SSPN: variants seen among roughly 807,000 people sequenced by gnomAD.
SSPN encodes K-ras oncogene-associated protein.
Under a neutral mutation model 19.1 loss-of-function variants are expected in SSPN, and 15 were observed. The ratio of observed to expected loss-of-function variants is 0.78; its 90% CI spans 0.52 to 1.21. SSPN has a LOEUF of 1.21. Among genes scored for constraint, SSPN ranks in the 50% most tolerant of loss-of-function variants. The pLI is 0.00. For missense variants in SSPN, 291 were observed against 314.0 expected (o/e 0.93, Z 0.55); for synonymous variants, 147 against 140.3 (o/e 1.05, Z -0.34).
intron 1 of SSPN, among the ~76,000 whole-genome samples, chr12:26,221,879 GTCTT>G: frequency 6.6e-6 from 1 of 152,280 alleles, no homozygotes; most frequent in Middle Eastern, 3.4e-3. Flanking sequence ...CAAAAAGTAG[GTCTT>G]TCTTTGATTG....
chr12:26,181,273 G>A lies in SSPN; in HGVS notation c.-30-43020G>A, dbSNP rs997675159. The A allele has an allele frequency of 4.6e-5, 7 of 152,026 alleles. No homozygotes were observed. The East Asian group carries it at 9.6e-4, about 21-fold the overall frequency. 9.4% of individuals were successfully genotyped at this position (152,026 alleles called of 1,614,324 possible). A position where few individuals can be genotyped will look rare whatever the true frequency, so the allele number is the denominator to read the frequency against. ...TGAATAAAGTTACTCAATACAGTTG[G>A]AAAAACTGTCATTTGATCCACTTCT... On this transcript the variant is annotated intron_variant, in intron 1 of 2. Coordinates refer to the SSPN transcript ENST00000538142.
intron 1 of SSPN, chr12:26,122,451 G>A: frequency 7.4e-7 from 1 of 1,358,528 alleles, no homozygotes. Flanking sequence ...TGCAGAAGGC[G>A]AGAGGAAGCA....
At chr12:26,130,503 G>A (rs1944391498) in intron 1 of SSPN, among the ~76,000 whole-genome samples, 1 of 151,912 alleles carries the variant, frequency 6.6e-6, no homozygotes, top group Non-Finnish European at 1.5e-5. Flanking sequence ...CAAAACTATT[G>A]GTATAAAACT....
At chr12:26,122,518 C>T in intron 1 of SSPN, 2 of 1,289,166 alleles carry the variant, frequency 1.6e-6, no homozygotes, top group Middle Eastern at 3.0e-4. Context: ...GGCGCGCCTC[C>T]GCCTCCGCCG....
intron 1 of SSPN, chr12:26,123,277 A>G: frequency 7.3e-7 from 1 of 1,374,874 alleles, no homozygotes; most frequent in Admixed American, 2.8e-5. Flanking sequence ...GACTAAAGTG[A>G]TCTCGGTTTT....
intron 2 of SSPN, among the ~76,000 whole-genome samples, chr12:26,229,077 T>G (rs1272388219): frequency 6.6e-6 from 1 of 152,336 alleles, no homozygotes; most frequent in East Asian, 1.9e-4. Flanking sequence ...GTTATGTCCC[T>G]GAGATATAAG....
At chr12:26,182,623 C>T (rs1366255964) in intron 1 of SSPN, among the ~76,000 whole-genome samples, 1 of 140,966 alleles carries the variant, frequency 7.1e-6, no homozygotes, top group Non-Finnish European at 1.5e-5. Flanking sequence ...CCTTCCCTTC[C>T]CTTCCCTTCC....
chr12:26,194,278 C>T, upstream of SSPN, among the ~76,000 whole-genome samples: 1 of 152,198 alleles, frequency 6.6e-6, no homozygotes, highest in African/African-American at 2.4e-5. Flanking sequence ...TTTTGAACAT[C>T]TTTATATCCT....
chr12:26,146,507 A>G (rs1278180718), intron 1 of SSPN, among the ~76,000 whole-genome samples: 1 of 152,180 alleles, frequency 6.6e-6, no homozygotes, highest in Non-Finnish European at 1.5e-5. Context: ...TAGCATTAGT[A>G]GGAACAATAC....
At position 26,232,095 on chromosome 12, in the gene SSPN, G is replaced by A. The variant is rs1296550907; in HGVS notation, c.*1019G>A. On this transcript the variant is annotated 3_prime_UTR_variant, in exon 3 of 3. Transcript: ENST00000242729. ...GTAATAGGAAGTGTTTATACAAACA[G>A]CACATTTGTGATATGTTGAAAAGCA... 1 of 985,362 alleles carries A rather than the reference G, an allele frequency of 1.0e-6. No homozygotes were observed. Among genetic ancestry groups the A allele is most frequent in the Non-Finnish European group, 1.2e-6 (1 of 829,860 alleles). 61.0% of individuals were successfully genotyped at this position (985,362 alleles called of 1,614,324 possible). A position where few individuals can be genotyped will look rare whatever the true frequency, so the allele number is the denominator to read the frequency against.
intron 2 of SSPN, 79 bp from the exon 3 acceptor site, chr12:26,230,632 C>A: frequency 1.3e-6 from 2 of 1,487,436 alleles, no homozygotes; most frequent in Non-Finnish European, 1.8e-6. Context: ...AGAAAAAGAA[C>A]AGTTTTGATG....
intron 1 of SSPN, among the ~76,000 whole-genome samples, chr12:26,165,113 A>G (rs1485380535): frequency 6.6e-6 from 1 of 152,232 alleles, no homozygotes; most frequent in Non-Finnish European, 1.5e-5. Flanking sequence ...TAGTATTTTT[A>G]ATCGAAAAAT....
chr12:26,143,155 A>G (rs1398017022), intron 1 of SSPN, among the ~76,000 whole-genome samples: 1 of 152,236 alleles, frequency 6.6e-6, no homozygotes, highest in Non-Finnish European at 1.5e-5. Flanking sequence ...TATTTTGGAA[A>G]GTAGCCTTTA....
Position 26,227,418 on chromosome 12 carries a change from C to T in SSPN, c.366+3039C>T, listed in dbSNP as rs78223337. 3.8e-3 allele frequency among the ~76,000 whole-genome samples: 579 copies of T among 152,270 alleles called. 6 individuals carry two copies. The highest frequency in any genetic ancestry group is 0.013 in the African/African-American group (547 of 41,544). ...CGCACGATATAAATTTATTCATACTCAGAGAAGCTAAGGGGCATGGTTTTT... is the reference window on the plus strand; with the variant it reads ...CGCACGATATAAATTTATTCATACTTAGAGAAGCTAAGGGGCATGGTTTTT... On this transcript the variant is annotated intron_variant, in intron 2 of 2. Transcript: ENST00000242729.
chr12:26,231,963 C>G lies in SSPN; in HGVS notation c.*887C>G. On this transcript the variant is annotated 3_prime_UTR_variant, in exon 3 of 3. Coordinates refer to ENST00000242729, the MANE Select transcript of SSPN (RefSeq NM_005086.5). The stretch of plus-strand genomic sequence containing the variant: ...TTAAGAGAAATTACTCTCACAAGAG[C>G]AGAGGCCTGAAGATTCTTTCTTCTG... 1.0e-6 allele frequency: 1 copy of G among 985,194 alleles called. No homozygotes were observed. The highest frequency in any genetic ancestry group is 1.7e-5 in the African/African-American group (1 of 57,250). 61.0% of individuals were successfully genotyped at this position (985,194 alleles called of 1,614,324 possible).
At chr12:26,222,640 GA>G (rs1945133973) in intron 1 of SSPN, among the ~76,000 whole-genome samples, 1 of 152,188 alleles carries the variant, frequency 6.6e-6, no homozygotes. Flanking sequence ...TTTCTATTTT[GA>G]AAGTGTGGAA....
intron 1 of SSPN, chr12:26,122,703 C>T (rs1408173870): frequency 1.9e-6 from 3 of 1,579,514 alleles, no homozygotes; most frequent in Non-Finnish European, 2.6e-6. Flanking sequence ...CGAGTCCTCC[C>T]CGGGAGGCTC....
chr12:26,136,073 C>G (rs1944423445), intron 1 of SSPN, among the ~76,000 whole-genome samples: 1 of 152,174 alleles, frequency 6.6e-6, no homozygotes, highest in East Asian at 1.9e-4. Flanking sequence ...CTGTACTGAA[C>G]ATGTACAGAC....
intron 1 of SSPN, among the ~76,000 whole-genome samples, chr12:26,171,331 T>G (rs1944652265): frequency 6.6e-6 from 1 of 152,268 alleles, no homozygotes; most frequent in Non-Finnish European, 1.5e-5. Context: ...TAATTTCTAG[T>G]TACTTCAAAC....
Sources: allele counts gnomAD v4.1 joint callset (sites outside exome capture counted in the v4.1 genomes callset), GRCh38; gene constraint gnomAD v4.1.1; transcripts MANE v1.5; gene names NCBI Gene and HGNC (gene_info 2026-07-23, HGNC 2026-07-21).